MAGI2: variants seen among roughly 807,000 people sequenced by gnomAD.
The protein encoded by MAGI2 is membrane associated guanylate kinase, WW and PDZ domain containing 2, also known as membrane-associated guanylate kinase, WW and PDZ domain-containing protein 2.
A neutral mutation model predicts 133.3 loss-of-function variants in MAGI2; 35 were observed. The observed-to-expected ratio is 0.26, with a 90% CI of 0.20 to 0.35. MAGI2 has a LOEUF of 0.35. MAGI2 is among the 10% of genes least tolerant of loss of function. The probability of loss-of-function intolerance (pLI) is 1.00; values close to 1 mark genes in which losing one functional copy is unlikely to be tolerated. For missense variants in MAGI2, 1,636 were observed against 1,863.4 expected, an observed-to-expected ratio of 0.88 and a Z score of 2.25; for synonymous variants, 729 against 710.6, an observed-to-expected ratio of 1.03 and a Z score of -0.41.
intron 16 of MAGI2, among the ~76,000 whole-genome samples, chr7:78,148,983 A>G (rs568991097): frequency 1.3e-5 from 2 of 152,260 alleles, no homozygotes; most frequent in South Asian, 2.1e-4. Context: ...GGTAGACTGA[A>G]GCATAGGGAG....
chr7:78,100,715 G>A (rs539317640), intron 20 of MAGI2, among the ~76,000 whole-genome samples: 4 of 151,464 alleles, frequency 2.6e-5, no homozygotes, highest in Non-Finnish European at 5.9e-5. Flanking sequence ...GCTATATGTC[G>A]GTTTCATTAT....
At chr7:79,135,254 T>A (rs1436788216) in intron 1 of MAGI2, among the ~76,000 whole-genome samples, 1 of 152,132 alleles carries the variant, frequency 6.6e-6, no homozygotes, top group Non-Finnish European at 1.5e-5. Context: ...GGGAAATGGA[T>A]CAAGTTATTG....
At chr7:78,751,213 T>C (rs1823427253) in intron 2 of MAGI2, among the ~76,000 whole-genome samples, 1 of 152,230 alleles carries the variant, frequency 6.6e-6, no homozygotes, top group Non-Finnish European at 1.5e-5. Context: ...GGCATCATTG[T>C]TGTTCTAATG....
At chr7:79,332,533 T>C (rs919218275) in intron 1 of MAGI2, among the ~76,000 whole-genome samples, 1 of 152,172 alleles carries the variant, frequency 6.6e-6, no homozygotes, top group African/African-American at 2.4e-5. Flanking sequence ...CTGATCCTAT[T>C]AAATGTAGAG....
At chr7:79,398,989 T>C (rs1361932989) in intron 1 of MAGI2, among the ~76,000 whole-genome samples, 1 of 152,000 alleles carries the variant, frequency 6.6e-6, no homozygotes, top group East Asian at 1.9e-4. Flanking sequence ...AAATATTTCC[T>C]TCACTTAACA....
chr7:78,171,974 T>C (rs1353696901), intron 14 of MAGI2, among the ~76,000 whole-genome samples: 4 of 152,276 alleles, frequency 2.6e-5, no homozygotes, highest in Middle Eastern at 3.4e-3. Context: ...AAGAAAGAAC[T>C]TCTCCATGAA....
intron 10 of MAGI2, among the ~76,000 whole-genome samples, chr7:78,213,734 T>C (rs192130249): frequency 2.0e-5 from 3 of 152,362 alleles, no homozygotes; most frequent in African/African-American, 4.8e-5. Context: ...GTTACTTTGC[T>C]TCTGTCCATA....
chr7:78,897,336 C>T (rs1334445199), intron 2 of MAGI2, among the ~76,000 whole-genome samples: 2 of 152,154 alleles, frequency 1.3e-5, no homozygotes, highest in Admixed American at 6.5e-5. Flanking sequence ...ATACTGATGG[C>T]ACTCATACCT....
intron 2 of MAGI2, among the ~76,000 whole-genome samples, chr7:78,747,810 T>G (rs1420339849): frequency 6.6e-6 from 1 of 152,152 alleles, no homozygotes; most frequent in Non-Finnish European, 1.5e-5. Flanking sequence ...CAGGGCCTGT[T>G]TTCCTGCCAA....
chr7:79,286,873 TG>T (rs945537612), intron 1 of MAGI2, among the ~76,000 whole-genome samples: 3 of 152,112 alleles, frequency 2.0e-5, no homozygotes, highest in African/African-American at 7.2e-5. Context: ...TATGAATTTA[TG>T]GAGTGCAAGT....
chr7:79,125,271 G>C, intron 1 of MAGI2: 1 of 451,752 alleles, frequency 2.2e-6, no homozygotes, highest in Admixed American at 2.5e-5. Context: ...AGTAAGGAAA[G>C]CCCTGCCAAA....
intron 1 of MAGI2, among the ~76,000 whole-genome samples, chr7:79,090,323 T>C (rs1816937593): frequency 6.6e-6 from 1 of 152,054 alleles, no homozygotes; most frequent in Admixed American, 6.6e-5. Flanking sequence ...TCATCTGTAT[T>C]TTACTTGATT....
chr7:78,600,732 GGTGT>G (rs746239707), intron 3 of MAGI2, among the ~76,000 whole-genome samples: 1 of 151,068 alleles, frequency 6.6e-6, no homozygotes, highest in Non-Finnish European at 1.5e-5. Flanking sequence ...CACGAGGGGA[GGTGT>G]GTGTGTGTGT....
intron 21 of MAGI2, among the ~76,000 whole-genome samples, chr7:78,049,702 C>T (rs1234844394): frequency 6.6e-6 from 1 of 152,128 alleles, no homozygotes; most frequent in Non-Finnish European, 1.5e-5. Flanking sequence ...ATAAACAAAA[C>T]CCATCAGTTC....
intron 16 of MAGI2, among the ~76,000 whole-genome samples, chr7:78,145,430 TTA>T (rs1235065944): frequency 1.2e-4 from 18 of 152,204 alleles, no homozygotes; most frequent in Admixed American, 1.2e-3. Flanking sequence ...TGAACCTTTA[TTA>T]TACTATTTCT....
intron 6 of MAGI2, among the ~76,000 whole-genome samples, chr7:78,398,176 A>G (rs1230281561): frequency 6.6e-6 from 1 of 152,192 alleles, no homozygotes; most frequent in Non-Finnish European, 1.5e-5. Context: ...CAAATAATCC[A>G]TGATCAAAGA....
intron 2 of MAGI2, among the ~76,000 whole-genome samples, chr7:78,731,096 C>T (rs1405435796): frequency 6.6e-6 from 1 of 152,038 alleles, no homozygotes; most frequent in African/African-American, 2.4e-5. Flanking sequence ...TTAAACCCAA[C>T]CTTTCAATTT....
At chr7:79,292,342 G>A (rs530691506) in intron 1 of MAGI2, among the ~76,000 whole-genome samples, 4 of 152,014 alleles carry the variant, frequency 2.6e-5, no homozygotes, top group South Asian at 2.1e-4. Flanking sequence ...TAAAATTGGG[G>A]TTGGCACGGT....
intron 6 of MAGI2, among the ~76,000 whole-genome samples, chr7:78,489,311 G>A (rs1185442272): frequency 2.0e-5 from 3 of 152,030 alleles, no homozygotes; most frequent in South Asian, 2.1e-4. Flanking sequence ...TTAAATGCTT[G>A]ATTCAAGGAA....
Sources: allele counts gnomAD v4.1 joint callset (sites outside exome capture counted in the v4.1 genomes callset), GRCh38; gene constraint gnomAD v4.1.1; transcripts MANE v1.5; gene names NCBI Gene and HGNC (gene_info 2026-07-23, HGNC 2026-07-21).